ANKDD1B: variants seen among roughly 807,000 people sequenced by gnomAD.
The protein encoded by ANKDD1B is ankyrin repeat and death domain-containing protein 1B.
Under a neutral mutation model 59.7 loss-of-function variants are expected in ANKDD1B, and 57 were observed. That is an observed-to-expected ratio of 0.95 (90% CI 0.77 to 1.19). The LOEUF is 1.19. ANKDD1B is among the 50% of genes most tolerant of loss of function. The pLI is 0.00. For missense variants in ANKDD1B, 602 were observed against 641.9 expected (o/e 0.94, Z 0.67); for synonymous variants, 216 against 239.5 (o/e 0.90, Z 0.91).
intron 5 of ANKDD1B, among the ~76,000 whole-genome samples, chr5:75,627,849 TGA>T (rs1421409855): frequency 6.6e-6 from 1 of 152,216 alleles, no homozygotes; most frequent in Non-Finnish European, 1.5e-5. Flanking sequence ...CCCCACTTCT[TGA>T]GTTTCTGCTG....
At chr5:75,663,365 C>G (rs987430305) in intron 10 of ANKDD1B, 29 bp from the exon 11 acceptor site, 2 of 1,505,924 alleles carry the variant, frequency 1.3e-6, no homozygotes, top group African/African-American at 2.8e-5. Flanking sequence ...GGCCATATCA[C>G]CTGAATTTTT....
At chr5:75,670,705 T>C (rs765243438) in intron 13 of ANKDD1B, among the ~76,000 whole-genome samples, 3 of 152,182 alleles carry the variant, frequency 2.0e-5, no homozygotes, top group Non-Finnish European at 4.4e-5. Flanking sequence ...TTAGAGAAGA[T>C]GAAGATGCAG....
At chr5:75,668,482 C>A (rs1384494039) in intron 12 of ANKDD1B, among the ~76,000 whole-genome samples, 1 of 152,090 alleles carries the variant, frequency 6.6e-6, no homozygotes, top group Non-Finnish European at 1.5e-5. Context: ...GTATGCAGTT[C>A]CCTCTCCCTG....
At chr5:75,665,813 A>G (rs761115296) in intron 11 of ANKDD1B, among the ~76,000 whole-genome samples, 6 of 152,314 alleles carry the variant, frequency 3.9e-5, no homozygotes, top group East Asian at 3.9e-4. Flanking sequence ...TTTTAAACCC[A>G]GGGTCCTAGA....
chr5:75,635,879 T>C lies in ANKDD1B; in HGVS notation c.795T>C (p.Asn265=), dbSNP rs2112979921. ...LAQWQDINEM[N]ELNISSLQIA... is the part of the protein sequence containing the mutation. ...AGTGGCAAGACATAAATGAGATGAATGAGGTATGTGGAAGTGCTCGTTATT... is the reference window on the plus strand; with the variant it reads ...AGTGGCAAGACATAAATGAGATGAACGAGGTATGTGGAAGTGCTCGTTATT... The change falls in exon 7 of 14, where the codon AAT becomes AAC. Residue 265 remains asparagine, a synonymous_variant. Coordinates refer to ENST00000601380, the MANE Select transcript of ANKDD1B (RefSeq NM_001276713.2). The C allele has an allele frequency of 1.3e-6, 2 of 1,523,144 alleles. No individual in the cohort carries two copies. Among genetic ancestry groups the C allele is most frequent in the East Asian group, 4.9e-5 (2 of 40,676 alleles). 94.4% of individuals were successfully genotyped at this position (1,523,144 alleles called of 1,614,324 possible).
At chr5:75,619,932 T>C (rs977851229) in intron 2 of ANKDD1B, among the ~76,000 whole-genome samples, 3 of 152,238 alleles carry the variant, frequency 2.0e-5, no homozygotes, top group Non-Finnish European at 2.9e-5. Context: ...ATTTCCGCTA[T>C]GCATTATTAG....
chr5:75,634,639 G>A (rs1340053193), intron 5 of ANKDD1B: 1 of 323,644 alleles, frequency 3.1e-6, no homozygotes, highest in Non-Finnish European at 5.8e-6. Context: ...CACCTCTCCT[G>A]ATGCTTGAGA....
intron 2 of ANKDD1B, among the ~76,000 whole-genome samples, chr5:75,619,986 AG>A (rs1219517389): frequency 2.0e-5 from 3 of 152,216 alleles, no homozygotes; most frequent in African/African-American, 7.2e-5. Context: ...TGATTGCATA[AG>A]GGGGGAATCC....
chr5:75,647,409 AAAAC>A (rs1372793823), intron 7 of ANKDD1B, among the ~76,000 whole-genome samples: 25 of 128,188 alleles, frequency 2.0e-4, no homozygotes, highest in East Asian at 4.1e-4. Flanking sequence ...TTACAAGAAA[AAAAC>A]AAACAACCCC....
At chr5:75,661,227 T>A (rs1775129760) in intron 10 of ANKDD1B, among the ~76,000 whole-genome samples, 1 of 150,600 alleles carries the variant, frequency 6.6e-6, no homozygotes, top group African/African-American at 2.4e-5. Flanking sequence ...TGAAACCCTG[T>A]CTCTACTAAA....
intron 9 of ANKDD1B, among the ~76,000 whole-genome samples, chr5:75,658,614 T>C (rs999111814): frequency 2.6e-5 from 4 of 152,206 alleles, no homozygotes; most frequent in Non-Finnish European, 5.9e-5. Flanking sequence ...TCTAATCCCT[T>C]CATCTAGACC....
At chr5:75,633,396 C>T (rs7728329) in intron 5 of ANKDD1B, among the ~76,000 whole-genome samples, 12 of 152,124 alleles carry the variant, frequency 7.9e-5, no homozygotes, top group East Asian at 1.9e-4. Flanking sequence ...TTTTTGTCTT[C>T]GCTTTTTGCC....
intron 1 of ANKDD1B, among the ~76,000 whole-genome samples, chr5:75,614,608 G>A (rs1228034176): frequency 6.6e-6 from 1 of 152,118 alleles, no homozygotes. Flanking sequence ...TGTTGATAAG[G>A]CAGGGAAAAG....
chr5:75,655,987 G>A, intron 8 of ANKDD1B, 42 bp from the exon 9 acceptor site: 1 of 920,254 alleles, frequency 1.1e-6, no homozygotes, highest in Non-Finnish European at 1.7e-6. Flanking sequence ...GAATGTTGAA[G>A]CCAGAACCTT....
In ANKDD1B at chr5:75,611,651, G is replaced by A; in HGVS notation, c.17G>A (p.Arg6His). The A allele has an allele frequency of 8.1e-7, 1 of 1,231,400 alleles. No individual in the cohort carries two copies. The allele number at this position is 1,231,400 out of a possible 1,614,324, so 76.3% of individuals were successfully genotyped here. The change falls in exon 1 of 14, where the codon CGC becomes CAC. Residue 6 changes from arginine (R) to histidine (H), a missense_variant. Around this residue, in one of 3 missense-constraint regions of ANKDD1B, gnomAD observed 317 missense variants for 304.6 expected, o/e 1.04. Coordinates refer to ENST00000601380, the MANE Select transcript of ANKDD1B (RefSeq NM_001276713.2). The part of the protein sequence containing the change: MDPAG[R>H]ARGQGATAGG... ...GAGGAGACTATGGACCCCGCCGGGC[G>A]CGCCCGGGGCCAAGGGGCCACGGCA...
chr5:75,611,912 C>A, intron 1 of ANKDD1B, 85 bp downstream of exon 1: 1 of 1,115,410 alleles, frequency 9.0e-7, no homozygotes, highest in Non-Finnish European at 1.1e-6. Context: ...AGAGCAGCAC[C>A]TCCGGACGCT....
chr5:75,633,931 G>A (rs975314533), intron 5 of ANKDD1B, among the ~76,000 whole-genome samples: 11 of 152,200 alleles, frequency 7.2e-5, no homozygotes, highest in African/African-American at 2.7e-4. Flanking sequence ...CACAAAGGTG[G>A]GAGCTAGGAT....
rs1162428169 is a variant in ANKDD1B at position 75,661,415 on chromosome 5, A to AG, written c.1096-1979_1096-1978insG. ...CCGTCTGAAAAAAAAAAAAAAAAAA[A>AG]AAAAAAAAAAGTAACACAGGCCCAC... On this transcript the variant is annotated intron_variant, in intron 10 of 13. Transcript: ENST00000601380. Among the ~76,000 whole-genome samples, 5 of 138,410 alleles carry AG rather than the reference A, an allele frequency of 3.6e-5. No individual in the cohort carries two copies. In the East Asian group the frequency reaches 1.0e-3, roughly 28 times the overall value. The allele number at this position is 138,410 out of a possible 152,430, so 90.8% of individuals were successfully genotyped here.
intron 12 of ANKDD1B, among the ~76,000 whole-genome samples, chr5:75,667,882 T>C (rs1405483464): frequency 6.6e-6 from 1 of 152,240 alleles, no homozygotes; most frequent in African/African-American, 2.4e-5. Context: ...ACACTATTTA[T>C]ACCACATACA....
Sources: gnomAD v4.1 joint callset for allele counts (sites outside exome capture counted in the v4.1 genomes callset) on GRCh38, gnomAD v4.1.1 for gene constraint, gnomAD v4.1.1 regional missense constraint, MANE v1.5 for transcripts, NCBI Gene and HGNC (gene_info 2026-07-23, HGNC 2026-07-21) for gene names.